INPP1: variants seen among roughly 807,000 people sequenced by gnomAD.
INPP1 encodes the protein inositol polyphosphate-1-phosphatase, also known as inositol polyphosphate 1-phosphatase.
Under a neutral mutation model 23.0 loss-of-function variants are expected in INPP1, and 18 were observed. That is an observed-to-expected ratio of 0.78 (90% CI 0.54 to 1.16). INPP1 has a LOEUF of 1.16. Among genes scored for constraint, INPP1 ranks in the 50% most tolerant of loss-of-function variants. INPP1 has a pLI of 0.00. For synonymous variants in INPP1, 164 were observed against 176.3 expected, an observed-to-expected ratio of 0.93 and a Z score of 0.55; for missense variants, 448 against 482.1, an observed-to-expected ratio of 0.93 and a Z score of 0.66.
At chr2:190,348,414 A>G (rs559043642) in intron 1 of INPP1, among the ~76,000 whole-genome samples, 2 of 152,198 alleles carry the variant, frequency 1.3e-5, no homozygotes, top group South Asian at 4.1e-4. Flanking sequence ...CAAATTTACC[A>G]TTTTAACCGT....
Position 190,370,985 on chromosome 2 carries a change from A to G in INPP1, c.783A>G (p.Ser261=). ...AGGCAGCATTCTCCCCCAGTTTTTC[A>G]GCCGTAATTAGTACAAGTGAAAAGG... The part of the protein sequence containing the change: ...GSEAAFSPSF[S]AVISTSEKET... Residue 261 remains serine, a synonymous_variant, in exon 7 of 7, where the codon TCA becomes TCG. Transcript: ENST00000392329. The G allele has an allele frequency of 6.2e-7, 1 of 1,614,202 alleles. No individual in the cohort carries two copies. Among genetic ancestry groups the G allele is most frequent in the Non-Finnish European group, 8.5e-7 (1 of 1,180,042 alleles).
chr2:190,344,898 C>G (rs1689185330), intron 1 of INPP1, among the ~76,000 whole-genome samples: 1 of 152,184 alleles, frequency 6.6e-6, no homozygotes, highest in South Asian at 2.1e-4. Flanking sequence ...AGCCCTTTTA[C>G]ACTGATTCCT....
chr2:190,359,198 G>A (rs1318201563), intron 2 of INPP1, among the ~76,000 whole-genome samples: 1 of 152,194 alleles, frequency 6.6e-6, no homozygotes, highest in Non-Finnish European at 1.5e-5. Context: ...TACTCAGGAG[G>A]CTGAGGTGGG....
In INPP1 at chr2:190,346,376, T is replaced by C. The variant is rs1400628199; in HGVS notation, c.-209+2415T>C. Among the ~76,000 whole-genome samples the C allele has an allele frequency of 3.3e-5, 5 of 152,256 alleles. No homozygotes were observed. Among genetic ancestry groups the C allele is most frequent in the Admixed American group, 3.3e-4 (5 of 15,290 alleles). On this transcript the variant is annotated intron_variant, in intron 1 of 6. Coordinates refer to ENST00000392329, the MANE Select transcript of INPP1 (RefSeq NM_001128928.2). The surrounding 1 kb of genome is among the most constrained non-coding windows in gnomAD (Gnocchi z 5.1). ...CATATATGGAAACTGATTTTATTAA[T>C]ATGATGAGGCCACTCATTTAGGAAA... is the stretch of plus-strand genomic sequence containing the variant.
Position 190,366,738 on chromosome 2 carries a change from A to G in INPP1, c.309A>G (p.Thr103=). The change falls in exon 5 of 7, where the codon ACA becomes ACG. Residue 103 remains threonine (T), a synonymous_variant. Coordinates refer to ENST00000392329, the MANE Select transcript of INPP1 (RefSeq NM_001128928.2). ...GGTTGTGTTCAACAGAGGAGGAAACAGCAGAGCTTCTTAGCAAAGTCCTCA... is the reference window on the plus strand; with the variant it reads ...GGTTGTGTTCAACAGAGGAGGAAACGGCAGAGCTTCTTAGCAAAGTCCTCA... ...TLRLCSTEEE[T]AELLSKVLNG... 6.2e-7 allele frequency: 1 copy of G among 1,613,632 alleles called. No homozygotes were observed. Among genetic ancestry groups the G allele is most frequent in the Non-Finnish European group, 8.5e-7 (1 of 1,179,508 alleles).
chr2:190,357,528 A>C (rs1339643858), intron 2 of INPP1, among the ~76,000 whole-genome samples: 1 of 152,218 alleles, frequency 6.6e-6, no homozygotes, highest in Non-Finnish European at 1.5e-5. Flanking sequence ...TAGTGCATTG[A>C]CATATTTCCA....
chr2:190,353,967 A>G (rs1689370781), intron 2 of INPP1, among the ~76,000 whole-genome samples: 1 of 152,234 alleles, frequency 6.6e-6, no homozygotes, highest in Non-Finnish European at 1.5e-5. Context: ...ACTGGACTAG[A>G]CAATCCTACA....
chr2:190,352,283 A>G lies in INPP1; in HGVS notation c.-65+3252A>G, dbSNP rs1689338892. Among the ~76,000 whole-genome samples the G allele has an allele frequency of 6.6e-6, 1 of 152,204 alleles. No individual in the cohort carries two copies. Among genetic ancestry groups the G allele is most frequent in the Admixed American group, 6.5e-5 (1 of 15,278 alleles). On this transcript the variant is annotated intron_variant, in intron 2 of 6. Coordinates refer to ENST00000392329, the MANE Select transcript of INPP1 (RefSeq NM_001128928.2). This position sits in a 1 kb window ranked among gnomAD's most constrained non-coding sequence, Gnocchi z 4.7. ...GCAAAATCAGCTACTAAAAGGCTAAACTTAATCAGAGCCCATGAGGTAATG... is the reference window on the plus strand; with the variant it reads ...GCAAAATCAGCTACTAAAAGGCTAAGCTTAATCAGAGCCCATGAGGTAATG...
At chr2:190,362,557 G>T in intron 3 of INPP1, 70 bp from the exon 4 acceptor site, 1 of 865,718 alleles carries the variant, frequency 1.2e-6, no homozygotes, top group South Asian at 1.9e-5. Context: ...ATATAAAATT[G>T]AAATCTGTTC....
At position 190,355,886 on chromosome 2, in the gene INPP1, A is replaced by G. The variant is rs1487745261; in HGVS notation, c.-64-4153A>G. On this transcript the variant is annotated intron_variant, in intron 2 of 6. Coordinates refer to ENST00000392329, the MANE Select transcript of INPP1 (RefSeq NM_001128928.2). This position sits in a 1 kb window ranked among gnomAD's most constrained non-coding sequence, Gnocchi z 5.1. ...AACCCCATGACATGGGTTTAGCTATATAACAAACCTGCACATGTAACCCTG... is the reference window on the plus strand; with the variant it reads ...AACCCCATGACATGGGTTTAGCTATGTAACAAACCTGCACATGTAACCCTG... Among the ~76,000 whole-genome samples the G allele has an allele frequency of 2.0e-5, 3 of 152,236 alleles. No individual in the cohort carries two copies. Among genetic ancestry groups the G allele is most frequent in the East Asian group, 3.8e-4 (2 of 5,198 alleles).
Position 190,345,731 on chromosome 2 carries a change from C to T in INPP1, c.-209+1770C>T, listed in dbSNP as rs186318304. 2.0e-5 allele frequency among the ~76,000 whole-genome samples: 3 copies of T among 152,328 alleles called. No individual in the cohort carries two copies. The highest frequency in any genetic ancestry group is 2.0e-4 in the Admixed American group (3 of 15,308). On this transcript the variant is annotated intron_variant, in intron 1 of 6. Transcript: ENST00000392329. This position sits in a 1 kb window ranked among gnomAD's most constrained non-coding sequence, Gnocchi z 4.9. ...AGGCTCTGGCTGGCGTGGTGGCTCA[C>T]GCCTGTTATCCCTGCACTTTGGGAG...
chr2:190,357,351 CATA>C (rs1476852855), intron 2 of INPP1, among the ~76,000 whole-genome samples: 19 of 152,190 alleles, frequency 1.2e-4, no homozygotes, highest in Non-Finnish European at 1.8e-4. Flanking sequence ...TATAGAAAAG[CATA>C]ATAAAAAATC....
chr2:190,366,282 T>TCTCG (rs386392143), intron 4 of INPP1, among the ~76,000 whole-genome samples: 2 of 146,732 alleles, frequency 1.4e-5, no homozygotes, highest in Non-Finnish European at 3.0e-5. Flanking sequence ...CCTGTCTCTC[T>TCTCG]CTCGCTCTCT....
intron 2 of INPP1, among the ~76,000 whole-genome samples, chr2:190,353,480 TCTTA>T (rs1689361522): frequency 6.6e-6 from 1 of 152,228 alleles, no homozygotes; most frequent in African/African-American, 2.4e-5. Flanking sequence ...CTTGCCAACC[TCTTA>T]CTTTCTCAAG....
Position 190,343,694 on chromosome 2 carries a change from A to G in INPP1, c.-476A>G, listed in dbSNP as rs2124904731. The G allele has an allele frequency of 6.6e-6, 1 of 152,150 alleles. No individual in the cohort carries two copies. Among genetic ancestry groups the G allele is most frequent in the Non-Finnish European group, 1.5e-5 (1 of 67,980 alleles). The allele number at this position is 152,150 out of a possible 1,614,324, so 9.4% of individuals were successfully genotyped here. A position where few individuals can be genotyped will look rare whatever the true frequency, so the allele number is the denominator to read the frequency against. Reference sequence around the variant, plus strand: ...TTTCCACGCCGCGGTCCCGCGGGAAAGCCGGGGGCGGCGGCCTGGCTGAGG... The same window carrying G: ...TTTCCACGCCGCGGTCCCGCGGGAAGGCCGGGGGCGGCGGCCTGGCTGAGG... On this transcript the variant is annotated 5_prime_UTR_variant, in exon 1 of 7. Transcript: ENST00000392329.
In INPP1 at chr2:190,360,283, A is replaced by G. The variant is rs1276075343; in HGVS notation, c.181A>G (p.Ile61Val). ...GGCTGATGTACTGGTACAGGAAGTT[A>G]TAAAACAGAATATGGAGAACAAGGT... is the stretch of plus-strand genomic sequence containing the variant. ...TLADVLVQEV[I>V]KQNMENKFPG... The change falls in exon 3 of 7, where the codon ATA becomes GTA. Residue 61 changes from isoleucine to valine, a missense_variant. By Grantham distance (29) the Ile-to-Val change is conservative. Transcript: ENST00000392329. The G allele has an allele frequency of 6.2e-7, 1 of 1,614,184 alleles. No individual in the cohort carries two copies.
At chr2:190,358,663 T>C (rs1290461478) in intron 2 of INPP1, among the ~76,000 whole-genome samples, 1 of 152,254 alleles carries the variant, frequency 6.6e-6, no homozygotes, top group Non-Finnish European at 1.5e-5. Context: ...TCAGCTTAAC[T>C]ATAAAACAGG....
chr2:190,348,423 G>A (rs76337975), intron 1 of INPP1, among the ~76,000 whole-genome samples: 1,819 of 152,010 alleles, frequency 0.012, 17 homozygotes, highest in Non-Finnish European at 0.019. Flanking sequence ...CATTTTAACC[G>A]TTTTCAAATT....
chr2:190,350,311 T>G (rs995600983), intron 2 of INPP1, among the ~76,000 whole-genome samples: 1 of 152,214 alleles, frequency 6.6e-6, no homozygotes, highest in Non-Finnish European at 1.5e-5. Flanking sequence ...AAAAAGGCAA[T>G]ATAAGTTGAC....
Sources: allele counts gnomAD v4.1 joint callset (sites outside exome capture counted in the v4.1 genomes callset), GRCh38; gene constraint gnomAD v4.1.1; non-coding constraint Gnocchi (gnomAD v3.1); transcripts MANE v1.5; gene names NCBI Gene and HGNC (gene_info 2026-07-23, HGNC 2026-07-21).